Variants in GLIS3 observed in about 807,000 individuals in gnomAD.
The protein encoded by GLIS3 is GLIS family zinc finger 3, also known as zinc finger protein GLIS3.
A neutral mutation model predicts 78.6 loss-of-function variants in GLIS3; 53 were observed. The observed-to-expected ratio is 0.67, with a 90% CI of 0.54 to 0.85. The LOEUF (loss-of-function observed/expected upper bound fraction) is 0.85. Ranked by LOEUF, GLIS3 falls within the 40% of genes least tolerant of loss-of-function variation. GLIS3 has a pLI of 0.00. For synonymous variants in GLIS3, 684 were observed against 509.9 expected (o/e 1.34, Z -4.60); for missense variants, 1,703 against 1,231.1 (o/e 1.38, Z -5.74).
chr9:4,265,636 A>G (rs966857457), intron 2 of GLIS3, among the ~76,000 whole-genome samples: 1 of 152,214 alleles, frequency 6.6e-6, no homozygotes, highest in Non-Finnish European at 1.5e-5. Flanking sequence ...AAGTCACAAG[A>G]ACTCTTTTAT....
chr9:3,839,528 A>G (rs773624301), intron 9 of GLIS3, among the ~76,000 whole-genome samples: 1 of 152,106 alleles, frequency 6.6e-6, no homozygotes, highest in Admixed American at 6.6e-5. Context: ...TACATAGAAA[A>G]TCTTCATCAT....
intron 2 of GLIS3, among the ~76,000 whole-genome samples, chr9:4,265,446 G>C (rs562037344): frequency 8.7e-4 from 126 of 144,180 alleles, no homozygotes; most frequent in Non-Finnish European, 1.2e-3. Flanking sequence ...GGTCAGGACA[G>C]AACTGGGATT....
chr9:3,840,821 C>T (rs1312081587), intron 9 of GLIS3, among the ~76,000 whole-genome samples: 1 of 152,222 alleles, frequency 6.6e-6, no homozygotes, highest in East Asian at 1.9e-4. Context: ...CAGCGAGCTG[C>T]ACTCTGAACA....
chr9:3,965,193 CT>C lies in GLIS3; in HGVS notation c.1711-28005del, dbSNP rs34951383. 9.8e-4 allele frequency among the ~76,000 whole-genome samples: 98 copies of C among 100,160 alleles called. 2 individuals are homozygous for C. The South Asian group carries it at 0.017, about 17-fold the overall frequency. The allele number at this position is 100,160 out of a possible 152,430, so 65.7% of individuals were successfully genotyped here. On this transcript the variant is annotated intron_variant, in intron 4 of 10. Coordinates refer to ENST00000381971, the MANE Select transcript of GLIS3 (RefSeq NM_001042413.2). ...CTTTTCTATTTCTTTCTTTTCTTTT[CT>C]TTTTTTTTTTTTTTTTTTGAGACAG...
At chr9:3,839,594 A>AC in intron 9 of GLIS3, among the ~76,000 whole-genome samples, 1 of 151,248 alleles carries the variant, frequency 6.6e-6, no homozygotes, top group African/African-American at 2.4e-5. Flanking sequence ...AAAAAAAAAA[A>AC]GGGGGGAGAA....
chr9:3,933,189 T>C, intron 5 of GLIS3, among the ~76,000 whole-genome samples: 1 of 152,122 alleles, frequency 6.6e-6, no homozygotes, highest in Non-Finnish European at 1.5e-5. Flanking sequence ...CTCTTTTTTT[T>C]TTTTAGATGT....
the GLIS3 span, among the ~76,000 whole-genome samples, chr9:4,473,621 C>G: frequency 2.6e-5 from 4 of 151,980 alleles, no homozygotes; most frequent in African/African-American, 9.7e-5. Flanking sequence ...AAGGGAACAG[C>G]ACACACTGGG....
At chr9:4,393,706 A>AT in the GLIS3 span, among the ~76,000 whole-genome samples, 1 of 152,168 alleles carries the variant, frequency 6.6e-6, no homozygotes, top group African/African-American at 2.4e-5. Context: ...CAGGTTATGC[A>AT]TTTTTGGCAG....
chr9:3,961,165 T>C (rs571923213), intron 4 of GLIS3, among the ~76,000 whole-genome samples: 1 of 152,316 alleles, frequency 6.6e-6, no homozygotes, highest in Non-Finnish European at 1.5e-5. Context: ...AATAGGCCCT[T>C]GCATTATAAG....
the GLIS3 span, among the ~76,000 whole-genome samples, chr9:4,405,764 T>TAA: frequency 2.1e-5 from 3 of 143,872 alleles, no homozygotes; most frequent in Admixed American, 2.1e-4. Flanking sequence ...AAAGACACAT[T>TAA]AAAAAAAAAA....
At chr9:4,360,574 T>A in the GLIS3 span, among the ~76,000 whole-genome samples, 1 of 152,176 alleles carries the variant, frequency 6.6e-6, no homozygotes, top group African/African-American at 2.4e-5. Context: ...CTTAACTCGA[T>A]GAGTTGATAT....
chr9:4,285,753 A>G, intron 2 of GLIS3: 2 of 437,646 alleles, frequency 4.6e-6, no homozygotes, highest in Non-Finnish European at 8.4e-6. Flanking sequence ...TTACCCTTCC[A>G]CCACAACCAC....
chr9:3,944,889 T>C (rs1361494380), intron 4 of GLIS3, among the ~76,000 whole-genome samples: 2 of 152,218 alleles, frequency 1.3e-5, no homozygotes, highest in Non-Finnish European at 2.9e-5. Context: ...TACTGTGTCG[T>C]ATCATGGCAG....
At chr9:4,166,552 G>A (rs898622606) in intron 2 of GLIS3, among the ~76,000 whole-genome samples, 1 of 152,232 alleles carries the variant, frequency 6.6e-6, no homozygotes, top group Non-Finnish European at 1.5e-5. Flanking sequence ...AAGTTCAAGT[G>A]CTGGCCTGAG....
At chr9:4,458,835 G>A in the GLIS3 span, among the ~76,000 whole-genome samples, 1 of 152,110 alleles carries the variant, frequency 6.6e-6, no homozygotes, top group Non-Finnish European at 1.5e-5. Flanking sequence ...GAAGTAATAA[G>A]TATATTTGAT....
At chr9:3,888,872 G>A (rs116693310) in intron 7 of GLIS3, among the ~76,000 whole-genome samples, 3,593 of 152,212 alleles carry the variant, frequency 0.024, 166 homozygotes, top group African/African-American at 0.083. Flanking sequence ...GGAATGGAGG[G>A]TTCAGCCTTC....
chr9:4,175,887 G>A (rs576387363), intron 2 of GLIS3, among the ~76,000 whole-genome samples: 1 of 152,240 alleles, frequency 6.6e-6, no homozygotes, highest in South Asian at 2.1e-4. Context: ...AAAAAACTGA[G>A]GCTAGAGGTT....
At chr9:4,032,848 G>C (rs1005745626) in intron 4 of GLIS3, among the ~76,000 whole-genome samples, 4 of 151,102 alleles carry the variant, frequency 2.6e-5, no homozygotes, top group African/African-American at 9.8e-5. Flanking sequence ...AAGTGGAATT[G>C]AGAATTCTTT....
the GLIS3 span, among the ~76,000 whole-genome samples, chr9:4,464,804 T>C: frequency 1.3e-5 from 2 of 152,256 alleles, no homozygotes; most frequent in East Asian, 3.9e-4. Flanking sequence ...ATTGTAAAGG[T>C]TGTATGCAGA....
Sources: gnomAD v4.1 joint callset for allele counts (sites outside exome capture counted in the v4.1 genomes callset) on GRCh38, gnomAD v4.1.1 for gene constraint, MANE v1.5 for transcripts, NCBI Gene and HGNC (gene_info 2026-07-23, HGNC 2026-07-21) for gene names.